PCDH19: variants seen among roughly 807,000 people sequenced by gnomAD.
PCDH19 encodes protocadherin 19.
A neutral mutation model predicts 46.2 loss-of-function variants in PCDH19; 6 were observed. That is an observed-to-expected ratio of 0.13 (90% CI 0.07 to 0.26). The LOEUF (loss-of-function observed/expected upper bound fraction) is 0.26, where lower values mean the gene tolerates loss of function less well. PCDH19 is among the 10% of genes least tolerant of loss of function. The pLI, the probability that PCDH19 is intolerant of heterozygous loss-of-function variation, is 1.00. For synonymous variants in PCDH19, 481 were observed against 415.7 expected (o/e 1.16, Z -1.91); for missense variants, 740 against 972.3 (o/e 0.76, Z 3.18).
chrX:100,371,523 T>C (rs1927223973), intron 3 of PCDH19, among the ~76,000 whole-genome samples: 1 of 111,135 alleles, frequency 9.0e-6, no homozygotes, highest in South Asian at 3.8e-4. Context: ...AGAAGAAAGT[T>C]TGTGTGTGAA....
At chrX:100,302,406 C>T (rs752287020) in intron 5 of PCDH19, among the ~76,000 whole-genome samples, 1 of 111,472 alleles carries the variant, frequency 9.0e-6, no homozygotes, top group Non-Finnish European at 1.9e-5. Context: ...GTAGATCTCA[C>T]AGCACTTCCC....
At chrX:100,391,880 A>G in intron 3 of PCDH19, among the ~76,000 whole-genome samples, 1 of 112,462 alleles carries the variant, frequency 8.9e-6, no homozygotes, top group Non-Finnish European at 1.9e-5. Flanking sequence ...CTTTGATGAT[A>G]CAGTCACTTG....
Position 100,402,935 on chromosome X carries a change from T to G in PCDH19, c.2289-84A>C. 4.2e-6 allele frequency: 3 copies of G among 714,520 alleles called. No individual in the cohort carries two copies. The South Asian group carries it at 6.7e-5, about 16-fold the overall frequency. The allele number at this position is 714,520 out of a possible 1,213,427, so 58.9% of individuals were successfully genotyped here. A position where few individuals can be genotyped will look rare whatever the true frequency, so the allele number is the denominator to read the frequency against. ...AATAAACATTAAGCACCCCAGAGGG[T>G]TGCACCCCATCTCCGCTCCAGCTCC... On this transcript the variant is annotated intron_variant, in intron 2 of 5. Coordinates refer to ENST00000373034, the MANE Select transcript of PCDH19 (RefSeq NM_001184880.2).
chrX:100,345,438 C>A (rs1338188524), intron 4 of PCDH19, among the ~76,000 whole-genome samples: 1 of 111,378 alleles, frequency 9.0e-6, no homozygotes. Context: ...AAAACTATAT[C>A]ACTTGGTGTA....
Position 100,366,344 on chromosome X carries a change from T to G in PCDH19, c.2617-15640A>C, listed in dbSNP as rs1927070135. ...CTGGCATTAGACCACCAAGGGGAGC[T>G]GGAATGATGACAAGTATTGCTCCCT... On this transcript the variant is annotated intron_variant, in intron 3 of 5. Transcript: ENST00000373034. Among the ~76,000 whole-genome samples the G allele has an allele frequency of 5.4e-5, 6 of 111,746 alleles. No individual in the cohort carries two copies. In the Admixed American group the frequency reaches 5.7e-4, roughly 11 times the overall value.
intron 5 of PCDH19, among the ~76,000 whole-genome samples, chrX:100,306,571 G>A (rs1255390631): frequency 9.1e-6 from 1 of 110,326 alleles, no homozygotes; most frequent in Non-Finnish European, 1.9e-5. Context: ...GATCAGAGCA[G>A]AACTAAATGA....
chrX:100,396,306 G>A (rs774382392), intron 3 of PCDH19, among the ~76,000 whole-genome samples: 236 of 111,942 alleles, frequency 2.1e-3, no homozygotes, highest in East Asian at 7.1e-3. Context: ...TCTGCGCTGG[G>A]CACAATAAGC....
At chrX:100,353,682 C>T (rs945402597) in intron 3 of PCDH19, among the ~76,000 whole-genome samples, 1 of 112,029 alleles carries the variant, frequency 8.9e-6, no homozygotes, top group Admixed American at 9.5e-5. Context: ...ATGTGCCAGG[C>T]ATGATCTGCT....
intron 5 of PCDH19, among the ~76,000 whole-genome samples, chrX:100,310,069 T>C (rs183996274): frequency 5.4e-4 from 61 of 112,386 alleles, no homozygotes; most frequent in African/African-American, 1.8e-3. Flanking sequence ...ATTAAAAAGA[T>C]GCCCCTTTCA....
intron 3 of PCDH19, among the ~76,000 whole-genome samples, chrX:100,377,790 G>A (rs1264771909): frequency 8.9e-6 from 1 of 112,117 alleles, no homozygotes; most frequent in African/African-American, 3.2e-5. Flanking sequence ...TACACGTTGT[G>A]GAGAGAAAAA....
intron 5 of PCDH19, among the ~76,000 whole-genome samples, chrX:100,317,309 A>G (rs1301448074): frequency 3.6e-5 from 4 of 112,208 alleles, no homozygotes; most frequent in Non-Finnish European, 5.6e-5. Flanking sequence ...CATGCAAAGC[A>G]CAGACTAAGA....
chrX:100,377,759 A>G (rs1927430613), intron 3 of PCDH19, among the ~76,000 whole-genome samples: 1 of 112,088 alleles, frequency 8.9e-6, no homozygotes, highest in Admixed American at 9.4e-5. Flanking sequence ...GCAGCAACTC[A>G]TGTAAGGGAA....
chrX:100,366,257 G>T (rs954786209), intron 3 of PCDH19, among the ~76,000 whole-genome samples: 1 of 111,779 alleles, frequency 8.9e-6, no homozygotes, highest in African/African-American at 3.3e-5. Flanking sequence ...TTGTTTGATC[G>T]TAGTGAAATT....
At position 100,408,862 on chromosome X, in the gene PCDH19, G is replaced by A. The variant is rs1396592191; in HGVS notation, c.-265C>T. 1 of 115,850 alleles carries A rather than the reference G, an allele frequency of 8.6e-6. No homozygotes were observed. The highest frequency in any genetic ancestry group is 3.2e-5 in the African/African-American group (1 of 30,848). 9.5% of individuals were successfully genotyped at this position (115,850 alleles called of 1,213,427 possible). On this transcript the variant is annotated 5_prime_UTR_variant, in exon 1 of 6. Transcript: ENST00000373034. ...GGCCAAGGGAGCGCCGCGCGGCCCC[G>A]AGCCCCCTCCCTCCAGCCCGGCTAC... is the stretch of plus-strand genomic sequence containing the variant.
chrX:100,308,925 T>G (rs1321101755), intron 5 of PCDH19, among the ~76,000 whole-genome samples: 1 of 111,571 alleles, frequency 9.0e-6, no homozygotes, highest in Non-Finnish European at 1.9e-5. Flanking sequence ...TGTTGGTGAG[T>G]ATGTAAACTA....
At position 100,309,154 on chromosome X, in the gene PCDH19, G is replaced by GCACACACACACACACACACACA. The variant is rs55663829; in HGVS notation, c.2849-12301_2849-12280dup. 1.9e-3 allele frequency among the ~76,000 whole-genome samples: 158 copies of GCACACACACACACACACACACA among 81,758 alleles called. 1 individual carries two copies. The highest frequency in any genetic ancestry group is 2.4e-3 in the Non-Finnish European group (98 of 40,666). 71.0% of individuals were successfully genotyped at this position (81,758 alleles called of 115,157 possible). On this transcript the variant is annotated intron_variant, in intron 5 of 5. Coordinates refer to ENST00000373034, the MANE Select transcript of PCDH19 (RefSeq NM_001184880.2). ...AGAGGATACAGAAAATGTGATGCAT[G>GCACACACACACACACACACACA]CACACACACACACACACACACACAC...
chrX:100,407,138 C>T lies in PCDH19; in HGVS notation c.1460G>A (p.Ser487Asn). 8.3e-7 allele frequency: 1 copy of T among 1,212,113 alleles called. No homozygotes were observed. Among genetic ancestry groups the T allele is most frequent in the Non-Finnish European group, 1.1e-6 (1 of 895,571 alleles). Reference protein sequence around the residue: ...ARDPDLGLNGSVSYQIVPSQV... With the variant: ...ARDPDLGLNGNVSYQIVPSQV... ...CGACGGCACGATCTGGTAGGAGACA[C>T]TGCCGTTGAGACCCAGGTCGGGGTC... is the stretch of plus-strand genomic sequence containing the variant. The change falls in exon 1 of 6, where the codon AGT becomes AAT. Residue 487 changes from serine (S) to asparagine (N), a missense_variant. By Grantham distance (46) the Ser-to-Asn change is conservative. This residue lies in a region of PCDH19 where 186 missense variants were observed against 319.9 expected (regional missense o/e 0.58). Transcript: ENST00000373034.
intron 5 of PCDH19, among the ~76,000 whole-genome samples, chrX:100,310,558 T>C (rs901891009): frequency 9.0e-6 from 1 of 110,669 alleles, no homozygotes; most frequent in African/African-American, 3.3e-5. Flanking sequence ...TACTAGTAAA[T>C]ATGAGGTGAC....
rs1926075950 is a variant in PCDH19, at chrX:100,336,033, AG to A, written c.2848+5869del. On this transcript the variant is annotated intron_variant, in intron 5 of 5. Transcript: ENST00000373034. ...TATCTAGCCTCAAAGATGCTAATTC[AG>A]GTCCAGGGGGATCTAATCAACCGCT... 2.7e-5 allele frequency among the ~76,000 whole-genome samples: 3 copies of A among 112,567 alleles called. No homozygotes were observed. The South Asian group carries it at 1.1e-3, about 41-fold the overall frequency.
Sources: allele counts gnomAD v4.1 joint callset (sites outside exome capture counted in the v4.1 genomes callset), GRCh38; gene constraint gnomAD v4.1.1; regional missense constraint gnomAD v4.1.1; transcripts MANE v1.5; gene names NCBI Gene and HGNC (gene_info 2026-07-23, HGNC 2026-07-21).